The following FANCC variants were observed in gnomAD, a reference collection of about 807,000 sequenced individuals.
FANCC encodes the protein Fanconi anemia group C protein.
In FANCC, 55 loss-of-function variants were observed where a neutral mutation model predicts 71.3. The observed-to-expected ratio is 0.77, with a 90% confidence interval of 0.62 to 0.97. The LOEUF is 0.97. Among genes scored for constraint, FANCC ranks in the 50% least tolerant of loss-of-function variants. FANCC has a pLI of 0.00. For synonymous variants in FANCC, 275 were observed against 244.9 expected (o/e 1.12, Z -1.15); for missense variants, 678 against 670.9 (o/e 1.01, Z -0.12).
intron 1 of FANCC, among the ~76,000 whole-genome samples, chr9:95,305,067 C>T (rs1834996069): frequency 6.6e-6 from 1 of 152,150 alleles, no homozygotes. Context: ...CGCTTACAAA[C>T]AGTCACTTAA....
intron 1 of FANCC, among the ~76,000 whole-genome samples, chr9:95,279,320 G>GA (rs201906667): frequency 3.5e-5 from 5 of 142,954 alleles, no homozygotes; most frequent in East Asian, 2.1e-4. Flanking sequence ...TCTGTCTCAA[G>GA]AAAAAAAAAG....
chr9:95,126,708 A>C (rs1826031396), intron 8 of FANCC, 127 bp from the exon 9 acceptor site: 2 of 930,052 alleles, frequency 2.2e-6, no homozygotes, highest in African/African-American at 1.6e-5. Flanking sequence ...CCTTTTGGTT[A>C]GAAGAACGAA....
intron 6 of FANCC, among the ~76,000 whole-genome samples, chr9:95,169,060 G>A (rs1825492409): frequency 6.6e-6 from 1 of 152,138 alleles, no homozygotes; most frequent in African/African-American, 2.4e-5. Flanking sequence ...AAGTCCAAGA[G>A]CACTGGGGCT....
At chr9:95,252,968 G>A (rs980100138) in intron 1 of FANCC, among the ~76,000 whole-genome samples, 23 of 151,416 alleles carry the variant, frequency 1.5e-4, no homozygotes, top group African/African-American at 5.6e-4. Flanking sequence ...TGAAGCAGGA[G>A]GATCGCTTGG....
At chr9:95,165,855 T>C (rs553352121) in intron 6 of FANCC, among the ~76,000 whole-genome samples, 1 of 152,074 alleles carries the variant, frequency 6.6e-6, no homozygotes, top group African/African-American at 2.4e-5. Context: ...GGTTAATCAA[T>C]ATGTTATTAA....
At chr9:95,263,456 A>G (rs987192443) in intron 1 of FANCC, among the ~76,000 whole-genome samples, 1 of 149,112 alleles carries the variant, frequency 6.7e-6, no homozygotes, top group Non-Finnish European at 1.5e-5. Context: ...TGAAGACCCC[A>G]AAGAGTTTTA....
At chr9:95,154,964 G>C (rs1830373589) in intron 6 of FANCC, among the ~76,000 whole-genome samples, 1 of 151,714 alleles carries the variant, frequency 6.6e-6, no homozygotes, top group African/African-American at 2.4e-5. Flanking sequence ...CCAGAACTTT[G>C]GGAGGTTAAG....
At chr9:95,201,598 G>C (rs916684533) in intron 4 of FANCC, among the ~76,000 whole-genome samples, 4 of 151,650 alleles carry the variant, frequency 2.6e-5, no homozygotes, top group Non-Finnish European at 5.9e-5. Context: ...TCCTTTTTCA[G>C]TGAAAAAAAG....
chr9:95,293,001 C>G (rs1290496392), intron 1 of FANCC: 3 of 1,579,452 alleles, frequency 1.9e-6, no homozygotes, highest in Non-Finnish European at 2.6e-6. Flanking sequence ...ACACAGGGAC[C>G]CACCTAGTAA....
intron 1 of FANCC, among the ~76,000 whole-genome samples, chr9:95,304,461 G>A (rs1406517967): frequency 6.6e-6 from 1 of 151,754 alleles, no homozygotes; most frequent in Non-Finnish European, 1.5e-5. Context: ...TTAAAAAAAA[G>A]GGGGCCAGGA....
chr9:95,226,733 C>G (rs1012791995), intron 4 of FANCC, among the ~76,000 whole-genome samples: 2 of 152,188 alleles, frequency 1.3e-5, no homozygotes, highest in Non-Finnish European at 2.9e-5. Context: ...TTCCCAAAGA[C>G]AGAATGTCCA....
At chr9:95,215,149 G>T (rs1226604276) in intron 4 of FANCC, among the ~76,000 whole-genome samples, 2 of 152,256 alleles carry the variant, frequency 1.3e-5, no homozygotes, top group East Asian at 1.9e-4. Flanking sequence ...CAAAGACAAA[G>T]ATATCTCTTA....
chr9:95,307,452 T>C (rs952076696), intron 1 of FANCC, among the ~76,000 whole-genome samples: 1 of 152,180 alleles, frequency 6.6e-6, no homozygotes, highest in Admixed American at 6.5e-5. Context: ...AATAATAACC[T>C]TTTCTACAGA....
intron 4 of FANCC, among the ~76,000 whole-genome samples, chr9:95,200,156 A>G (rs1377384272): frequency 6.6e-6 from 1 of 152,188 alleles, no homozygotes; most frequent in Non-Finnish European, 1.5e-5. Context: ...GCGTTTGAAA[A>G]TCCGGCACAT....
At chr9:95,114,434 A>G in intron 12 of FANCC, 195 bp downstream of exon 12, 2 of 677,048 alleles carry the variant, frequency 3.0e-6, no homozygotes, top group Admixed American at 4.1e-5. Context: ...GCGCATGCCT[A>G]TTCATCCTGA....
chr9:95,156,667 A>G (rs1830473964), intron 6 of FANCC, among the ~76,000 whole-genome samples: 1 of 152,126 alleles, frequency 6.6e-6, no homozygotes, highest in Non-Finnish European at 1.5e-5. Context: ...AGCTTGTGTG[A>G]GAACAAAACT....
At chr9:95,218,208 T>C (rs889587047) in intron 4 of FANCC, among the ~76,000 whole-genome samples, 2 of 152,236 alleles carry the variant, frequency 1.3e-5, no homozygotes, top group African/African-American at 4.8e-5. Context: ...CCCATGCCTG[T>C]TATCCTAGCA....
intron 6 of FANCC, among the ~76,000 whole-genome samples, chr9:95,152,006 C>A (rs192329281): frequency 6.6e-6 from 1 of 151,988 alleles, no homozygotes; most frequent in East Asian, 1.9e-4. Flanking sequence ...TACTTTTCCA[C>A]CCTTTCCAAT....
At chr9:95,222,061 G>C (rs1348654706) in intron 4 of FANCC, among the ~76,000 whole-genome samples, 1 of 150,214 alleles carries the variant, frequency 6.7e-6, no homozygotes, top group East Asian at 2.0e-4. Flanking sequence ...GGGCCTAGGA[G>C]CACATGTCTA....
Sources: gnomAD v4.1 joint callset for allele counts (sites outside exome capture counted in the v4.1 genomes callset) on GRCh38, gnomAD v4.1.1 for gene constraint, MANE v1.5 for transcripts, NCBI Gene and HGNC (gene_info 2026-07-23, HGNC 2026-07-21) for gene names.